The following PARVA variants were observed in gnomAD, a reference collection of about 807,000 sequenced individuals.
The protein encoded by PARVA is alpha-parvin.
In PARVA, 25 loss-of-function variants were observed where a neutral mutation model predicts 52.6. That is an observed-to-expected ratio of 0.48 (90% CI 0.35 to 0.66). The LOEUF is 0.66. PARVA is among the 30% of genes least tolerant of loss of function. PARVA has a pLI of 0.01. For synonymous variants in PARVA, 185 were observed against 179.1 expected (o/e 1.03, Z -0.26); for missense variants, 373 against 450.9 (o/e 0.83, Z 1.56).
intron 1 of PARVA, among the ~76,000 whole-genome samples, chr11:12,453,766 T>C (rs1214818150): frequency 6.6e-6 from 1 of 152,150 alleles, no homozygotes; most frequent in Non-Finnish European, 1.5e-5. Context: ...AAAGGTTACA[T>C]TGGTTTGGGC....
chr11:12,444,844 C>T (rs1214618469), intron 1 of PARVA, among the ~76,000 whole-genome samples: 2 of 152,148 alleles, frequency 1.3e-5, no homozygotes, highest in Non-Finnish European at 2.9e-5. Flanking sequence ...CAGGGTAGAA[C>T]CAAGACTGGA....
Position 12,529,351 on chromosome 11 carries a change from G to C in PARVA, c.*1426G>C, listed in dbSNP as rs1474451258. ...GGAGGGGGGTGGGCAGTGACTAGGG[G>C]ACGAGAAGCATGGGGAAAATATTTG... On this transcript the variant is annotated 3_prime_UTR_variant, in exon 13 of 13. Coordinates refer to ENST00000334956, the MANE Select transcript of PARVA (RefSeq NM_018222.5). 6.6e-6 allele frequency: 1 copy of C among 152,172 alleles called. No homozygotes were observed. Among genetic ancestry groups the C allele is most frequent in the Non-Finnish European group, 1.5e-5 (1 of 68,052 alleles). The allele number at this position is 152,172 out of a possible 1,614,324, so 9.4% of individuals were successfully genotyped here. A position where few individuals can be genotyped will look rare whatever the true frequency, so the allele number is the denominator to read the frequency against.
chr11:12,494,846 T>G lies in PARVA; in HGVS notation c.401-1612T>G, dbSNP rs1217303088. 2.0e-5 allele frequency among the ~76,000 whole-genome samples: 3 copies of G among 152,066 alleles called. No individual in the cohort carries two copies. The East Asian group carries it at 5.8e-4, about 29-fold the overall frequency. ...CACTCCTCTCCTCCCCACCCAACCC[T>G]CTCTCACAACAGTCATCAGTAATCT... On this transcript the variant is annotated intron_variant, in intron 4 of 12. Transcript: ENST00000334956.
intron 1 of PARVA, among the ~76,000 whole-genome samples, chr11:12,421,013 G>C (rs551407147): frequency 1.4e-5 from 2 of 140,002 alleles, no homozygotes; most frequent in Admixed American, 1.5e-4. Context: ...CAGCATGTTA[G>C]GACTTTTTTT....
At chr11:12,406,661 G>GGTTTTTTTTTTTTTT (rs1939912727) in intron 1 of PARVA, among the ~76,000 whole-genome samples, 1 of 77,798 alleles carries the variant, frequency 1.3e-5, no homozygotes, top group Non-Finnish European at 2.5e-5. Flanking sequence ...GGTTGTATCT[G>GGTTTTTTTTTTTTTT]TTTTTTTTTT....
intron 10 of PARVA, 36 bp downstream of exon 10, chr11:12,514,101 C>G: frequency 1.3e-6 from 2 of 1,536,262 alleles, no homozygotes; most frequent in Non-Finnish European, 1.8e-6. Flanking sequence ...AGAGGCAGGG[C>G]CCTGCCCTAC....
intron 1 of PARVA, among the ~76,000 whole-genome samples, chr11:12,452,119 C>T (rs1404697516): frequency 6.6e-6 from 1 of 151,976 alleles, no homozygotes; most frequent in Admixed American, 6.5e-5. Context: ...ATCCATTTAG[C>T]CCAGGGCCAG....
intron 1 of PARVA, among the ~76,000 whole-genome samples, chr11:12,403,103 C>T (rs925333877): frequency 1.3e-5 from 2 of 152,228 alleles, no homozygotes; most frequent in Non-Finnish European, 2.9e-5. Flanking sequence ...CACAGGGCAG[C>T]TCGAAGGGCC....
chr11:12,424,753 C>G (rs1056537899), intron 1 of PARVA, among the ~76,000 whole-genome samples: 1 of 152,128 alleles, frequency 6.6e-6, no homozygotes, highest in African/African-American at 2.4e-5. Flanking sequence ...ATCTCCTCTT[C>G]TGATTTTGAG....
At chr11:12,399,634 T>C (rs186520549) in intron 1 of PARVA, among the ~76,000 whole-genome samples, 47 of 152,228 alleles carry the variant, frequency 3.1e-4, no homozygotes, top group Non-Finnish European at 5.3e-4. Flanking sequence ...AAACACTGTT[T>C]GCATTTTATC....
intron 4 of PARVA, among the ~76,000 whole-genome samples, chr11:12,496,105 G>A (rs1316026232): frequency 1.3e-5 from 2 of 152,250 alleles, no homozygotes; most frequent in Non-Finnish European, 2.9e-5. Flanking sequence ...TAACTCTACA[G>A]AGAAGGCTTT....
chr11:12,527,771 G>A, intron 12 of PARVA, 78 bp from the exon 13 acceptor site: 1 of 1,078,432 alleles, frequency 9.3e-7, no homozygotes, highest in South Asian at 1.3e-5. Context: ...GTGGTGGGTG[G>A]AAGGGAGGGG....
intron 10 of PARVA, among the ~76,000 whole-genome samples, chr11:12,516,558 A>C (rs1357550543): frequency 6.6e-6 from 1 of 152,130 alleles, no homozygotes. Flanking sequence ...CTGGTTTCCC[A>C]ACCCATCTGG....
intron 6 of PARVA, among the ~76,000 whole-genome samples, chr11:12,505,075 A>T (rs191992517): frequency 6.6e-6 from 1 of 152,158 alleles, no homozygotes; most frequent in South Asian, 2.1e-4. Flanking sequence ...AATTTCCACA[A>T]TGAGGGTGTG....
At chr11:12,446,131 T>C (rs1032297183) in intron 1 of PARVA, among the ~76,000 whole-genome samples, 1 of 152,048 alleles carries the variant, frequency 6.6e-6, no homozygotes, top group Non-Finnish European at 1.5e-5. Context: ...ATAATTGTAA[T>C]AAACATGACA....
chr11:12,498,463 C>T (rs1426172475), intron 5 of PARVA, among the ~76,000 whole-genome samples: 2 of 152,184 alleles, frequency 1.3e-5, no homozygotes, highest in Admixed American at 1.3e-4. Context: ...ACTCGTATTA[C>T]CATGCTAATC....
chr11:12,397,731 G>C (rs942095824), intron 1 of PARVA, among the ~76,000 whole-genome samples: 3 of 151,958 alleles, frequency 2.0e-5, no homozygotes, highest in African/African-American at 7.3e-5. Context: ...GTTCAGACAG[G>C]ATGTTTTGGA....
chr11:12,509,145 G>A (rs1243164571), intron 7 of PARVA, among the ~76,000 whole-genome samples: 1 of 150,258 alleles, frequency 6.7e-6, no homozygotes, highest in African/African-American at 2.5e-5. Context: ...TTTGCCATGG[G>A]GAACAGGAGT....
rs11547362 is a variant in PARVA, at chr11:12,529,020, G to A, written c.*1095G>A. On this transcript the variant is annotated 3_prime_UTR_variant, in exon 13 of 13. Transcript: ENST00000334956. The stretch of plus-strand genomic sequence containing the variant: ...TCAGGCACCGCAGAGAGCTGGGCAC[G>A]GGCCCATGTGAGCATCACTTTGGAA... The A allele has an allele frequency of 1.8e-3, 278 of 152,694 alleles. 2 individuals are homozygous for A. Among genetic ancestry groups the A allele is most frequent in the African/African-American group, 6.0e-3 (249 of 41,542 alleles). 9.5% of individuals were successfully genotyped at this position (152,694 alleles called of 1,614,324 possible).
Sources: gnomAD v4.1 joint callset for allele counts (sites outside exome capture counted in the v4.1 genomes callset) on GRCh38, gnomAD v4.1.1 for gene constraint, MANE v1.5 for transcripts, NCBI Gene and HGNC (gene_info 2026-07-23, HGNC 2026-07-21) for gene names.